The following HLCS variants were observed in gnomAD, a reference collection of about 807,000 sequenced individuals.
The protein encoded by HLCS is biotin--protein ligase.
In HLCS, 53 loss-of-function variants were observed where a neutral mutation model predicts 75.0. The observed-to-expected ratio is 0.71, with a 90% CI of 0.57 to 0.89. The LOEUF is 0.89. Among genes scored for constraint, HLCS ranks in the 40% least tolerant of loss-of-function variants. The pLI, the probability that HLCS is intolerant of heterozygous loss-of-function variation, is 0.00. For missense variants in HLCS, 966 were observed against 1,074.0 expected (o/e 0.90, Z 1.41); for synonymous variants, 431 against 428.6 (o/e 1.01, Z -0.07).
intron 6 of HLCS, among the ~76,000 whole-genome samples, chr21:36,779,383 C>T (rs557118116): frequency 6.6e-6 from 1 of 152,026 alleles, no homozygotes; most frequent in Non-Finnish European, 1.5e-5. Flanking sequence ...ATCCATCTAC[C>T]ACCCATCCAT....
At chr21:36,772,383 T>C (rs539692347) in intron 6 of HLCS, among the ~76,000 whole-genome samples, 2 of 152,226 alleles carry the variant, frequency 1.3e-5, no homozygotes, top group East Asian at 3.9e-4. Context: ...ATGCTTGTAA[T>C]CCCAGCACTT....
At chr21:36,785,348 C>T (rs986783454) in intron 6 of HLCS, among the ~76,000 whole-genome samples, 2 of 152,124 alleles carry the variant, frequency 1.3e-5, no homozygotes, top group African/African-American at 4.8e-5. Flanking sequence ...TTATGGCCCC[C>T]GTGAACGAAA....
chr21:36,829,695 GTAATT>G (rs2062131099), intron 6 of HLCS, among the ~76,000 whole-genome samples: 1 of 152,126 alleles, frequency 6.6e-6, no homozygotes, highest in Non-Finnish European at 1.5e-5. Flanking sequence ...CCTCCCTCAT[GTAATT>G]TGCTTTTATT....
At chr21:36,781,796 C>T (rs2060542647) in intron 6 of HLCS, among the ~76,000 whole-genome samples, 1 of 152,030 alleles carries the variant, frequency 6.6e-6, no homozygotes, top group African/African-American at 2.4e-5. Flanking sequence ...TTAGTGTTTC[C>T]CTGCTATATA....
In HLCS at chr21:36,821,931, AGAG is replaced by A. The variant is rs1489295991; in HGVS notation, c.1893-54649_1893-54647del. 1.4e-4 allele frequency among the ~76,000 whole-genome samples: 22 copies of A among 152,198 alleles called. No individual in the cohort carries two copies. The East Asian group carries it at 2.7e-3, about 19-fold the overall frequency. On this transcript the variant is annotated intron_variant, in intron 6 of 10. Transcript: ENST00000674895. The stretch of plus-strand genomic sequence containing the variant: ...GGGAGGGGAGAGGAAAGAGGGAAGA[AGAG>A]GAGAAACTGACAGCTGACAGGAGGG...
intron 6 of HLCS, among the ~76,000 whole-genome samples, chr21:36,872,390 C>CA (rs374943958): frequency 0.14 from 11,893 of 85,002 alleles, 1,268 homozygotes; most frequent in African/African-American, 0.35. Context: ...GCCTCTGTCT[C>CA]AAAAAAAAAA....
chr21:36,862,493 T>G (rs184097984), intron 6 of HLCS, among the ~76,000 whole-genome samples: 3 of 152,304 alleles, frequency 2.0e-5, no homozygotes, highest in African/African-American at 7.2e-5. Context: ...TGAGGTGGTA[T>G]CTCATTGTGG....
intron 1 of HLCS, among the ~76,000 whole-genome samples, chr21:36,963,187 G>A (rs1378149927): frequency 6.6e-6 from 1 of 152,126 alleles, no homozygotes; most frequent in South Asian, 2.1e-4. Flanking sequence ...GTTATCTCTC[G>A]TTTTCTTTCC....
chr21:36,878,467 C>T (rs1212370898), intron 6 of HLCS, among the ~76,000 whole-genome samples: 5 of 152,066 alleles, frequency 3.3e-5, no homozygotes, highest in East Asian at 1.9e-4. Flanking sequence ...AGTAAATAAA[C>T]GAAACTACTA....
chr21:36,911,763 A>C (rs1405891757), intron 5 of HLCS, among the ~76,000 whole-genome samples: 3 of 150,836 alleles, frequency 2.0e-5, no homozygotes, highest in African/African-American at 7.3e-5. Flanking sequence ...AAAAAAAAAA[A>C]AAAAAAAAAC....
chr21:36,865,635 G>T (rs1351394631), intron 6 of HLCS, among the ~76,000 whole-genome samples: 2 of 152,150 alleles, frequency 1.3e-5, no homozygotes, highest in African/African-American at 2.4e-5. Flanking sequence ...TAAGCAGAGG[G>T]TCATCATTTC....
At chr21:36,848,271 G>T (rs796659174) in intron 6 of HLCS, among the ~76,000 whole-genome samples, 112 of 138,572 alleles carry the variant, frequency 8.1e-4, no homozygotes, top group Non-Finnish European at 1.4e-3. Flanking sequence ...CATAATTGTT[G>T]TTTTTTTTTT....
intron 5 of HLCS, among the ~76,000 whole-genome samples, chr21:36,898,856 T>A (rs1305122348): frequency 6.6e-6 from 1 of 151,586 alleles, no homozygotes; most frequent in Non-Finnish European, 1.5e-5. Flanking sequence ...AGCTCAAGAG[T>A]CTGAGACCAG....
intron 6 of HLCS, among the ~76,000 whole-genome samples, chr21:36,870,047 C>T (rs889784878): frequency 6.6e-6 from 1 of 152,142 alleles, no homozygotes; most frequent in South Asian, 2.1e-4. Flanking sequence ...TTGTTTGCCA[C>T]GATTTTAAAA....
At chr21:36,870,145 C>T (rs1385049594) in intron 6 of HLCS, among the ~76,000 whole-genome samples, 1 of 152,148 alleles carries the variant, frequency 6.6e-6, no homozygotes, top group Non-Finnish European at 1.5e-5. Flanking sequence ...AACCTGGTTG[C>T]TTTTGTGTCT....
intron 1 of HLCS, chr21:36,975,258 A>G (rs1176867831): frequency 1.3e-5 from 2 of 152,214 alleles, no homozygotes; most frequent in East Asian, 3.9e-4. Context: ...TGGAGTCCCA[A>G]CTTCTCCAGC....
Position 36,990,147 on chromosome 21 carries a change from C to A in HLCS, c.-393+11G>T, listed in dbSNP as rs557368288. 0.028 allele frequency: 4,203 copies of A among 152,576 alleles called. 85 individuals carry two copies. Among genetic ancestry groups the A allele is most frequent in the Middle Eastern group, 0.092 (27 of 294 alleles). The allele number at this position is 152,576 out of a possible 1,614,324, so 9.5% of individuals were successfully genotyped here. Reference sequence around the variant, plus strand: ...CCCACCCCTGTCCCGGCCCGCAGCGCCCCGACTTACTTCTGAGGCCGAAAC... The same window carrying A: ...CCCACCCCTGTCCCGGCCCGCAGCGACCCGACTTACTTCTGAGGCCGAAAC... On this transcript the variant is annotated intron_variant, in intron 1 of 11. Coordinates refer to the HLCS transcript ENST00000336648.
At position 36,937,391 on chromosome 21, in the gene HLCS, C is replaced by T. The variant is rs1254077652; in HGVS notation, c.495G>A (p.Ser165=). 8.1e-6 allele frequency: 13 copies of T among 1,612,558 alleles called. No homozygotes were observed. The highest frequency in any genetic ancestry group is 2.7e-5 in the African/African-American group (2 of 75,020). The change falls in exon 4 of 11, where the codon TCG becomes TCA. Residue 165 remains serine (S), a splice_region_variant and synonymous_variant. Transcript: ENST00000674895. Reference sequence around the variant, plus strand: ...TCAGAGTGGAGTCCTGCAAGTGCACCGCTAAGGCATGAATAGGAGAGAGAG... The same window carrying T: ...TCAGAGTGGAGTCCTGCAAGTGCACTGCTAAGGCATGAATAGGAGAGAGAG... ...DNGLVPQKIV[S]VHLQDSTLKE...
At chr21:36,921,549 G>C (rs1760552340) in intron 5 of HLCS, among the ~76,000 whole-genome samples, 1 of 152,182 alleles carries the variant, frequency 6.6e-6, no homozygotes, top group African/African-American at 2.4e-5. Flanking sequence ...AGTTTTTATA[G>C]ACCAGTGGCT....
Sources: allele counts gnomAD v4.1 joint callset (sites outside exome capture counted in the v4.1 genomes callset), GRCh38; gene constraint gnomAD v4.1.1; transcripts MANE v1.5; gene names NCBI Gene and HGNC (gene_info 2026-07-23, HGNC 2026-07-21).